The following XKR4 variants were observed in gnomAD, a reference collection of about 807,000 sequenced individuals.
XKR4 encodes XK-related protein 4.
A neutral mutation model predicts 53.9 loss-of-function variants in XKR4; 12 were observed. The observed-to-expected ratio is 0.22, with a 90% CI of 0.14 to 0.36. The LOEUF (loss-of-function observed/expected upper bound fraction) is 0.36, where lower values mean the gene tolerates loss of function less well. XKR4 is among the 10% of genes least tolerant of loss of function. The probability of loss-of-function intolerance (pLI) is 1.00; values close to 1 mark genes in which losing one functional copy is unlikely to be tolerated. For missense variants in XKR4, 799 were observed against 859.5 expected, an observed-to-expected ratio of 0.93 and a Z score of 0.88; for synonymous variants, 354 against 362.4, an observed-to-expected ratio of 0.98 and a Z score of 0.26.
intron 1 of XKR4, among the ~76,000 whole-genome samples, chr8:55,219,319 A>G (rs1817849597): frequency 6.6e-6 from 1 of 152,150 alleles, no homozygotes; most frequent in African/African-American, 2.4e-5. Flanking sequence ...TTCACTCTGG[A>G]TGTTTGCAGT....
intron 1 of XKR4, among the ~76,000 whole-genome samples, chr8:55,289,638 AAAGAAAGAAAGG>A (rs1369901720): frequency 0.015 from 1,794 of 121,864 alleles, 13 homozygotes; most frequent in Non-Finnish European, 0.02. Flanking sequence ...AGAAAGAAAG[AAAGAAAGAAAGG>A]AAGGAAGGAA....
At chr8:55,204,977 C>T (rs1017046045) in intron 1 of XKR4, among the ~76,000 whole-genome samples, 3 of 152,158 alleles carry the variant, frequency 2.0e-5, no homozygotes, top group African/African-American at 4.8e-5. Flanking sequence ...TGGCTAGGCA[C>T]TGACTCAGAT....
intron 2 of XKR4, among the ~76,000 whole-genome samples, chr8:55,499,241 A>G (rs567939456): frequency 3.3e-4 from 51 of 152,342 alleles, no homozygotes; most frequent in Non-Finnish European, 6.2e-4. Flanking sequence ...GGGAAGCACT[A>G]TGAAATTTGA....
intron 2 of XKR4, among the ~76,000 whole-genome samples, chr8:55,415,614 G>C (rs758818684): frequency 6.6e-6 from 1 of 152,092 alleles, no homozygotes; most frequent in Non-Finnish European, 1.5e-5. Context: ...ATTTGCAAAC[G>C]ATTAAACTCC....
At chr8:55,207,264 C>T (rs551372090) in intron 1 of XKR4, among the ~76,000 whole-genome samples, 2 of 152,152 alleles carry the variant, frequency 1.3e-5, no homozygotes, top group Non-Finnish European at 2.9e-5. Flanking sequence ...AGTGGCTGAC[C>T]GGTGACCTGC....
intron 2 of XKR4, among the ~76,000 whole-genome samples, chr8:55,475,400 GT>G (rs1805965520): frequency 6.6e-6 from 1 of 151,428 alleles, no homozygotes; most frequent in African/African-American, 2.4e-5. Context: ...TGTTGTTGTT[GT>G]TGTTGTTGTT....
intron 2 of XKR4, among the ~76,000 whole-genome samples, chr8:55,418,489 C>T (rs2939694): frequency 6.6e-6 from 1 of 152,148 alleles, no homozygotes; most frequent in East Asian, 1.9e-4. Context: ...ATTCAGCATG[C>T]GTCTCACCCC....
At chr8:55,148,868 G>A (rs1294636520) in intron 1 of XKR4, among the ~76,000 whole-genome samples, 1 of 152,166 alleles carries the variant, frequency 6.6e-6, no homozygotes, top group Admixed American at 6.5e-5. Context: ...GTCACAGAAA[G>A]CGTCCTTAGC....
At chr8:55,202,609 C>T (rs1488731449) in intron 1 of XKR4, among the ~76,000 whole-genome samples, 1 of 152,208 alleles carries the variant, frequency 6.6e-6, no homozygotes, top group Non-Finnish European at 1.5e-5. Context: ...GCACTTACAG[C>T]TGAAGGTCTG....
chr8:55,283,946 G>T (rs1183137926), intron 1 of XKR4, among the ~76,000 whole-genome samples: 2 of 152,162 alleles, frequency 1.3e-5, no homozygotes, highest in African/African-American at 4.8e-5. Context: ...TTGTGATTCT[G>T]TGACGTGATC....
intron 1 of XKR4, among the ~76,000 whole-genome samples, chr8:55,329,183 T>C (rs1803346070): frequency 6.6e-6 from 1 of 152,002 alleles, no homozygotes; most frequent in South Asian, 2.1e-4. Flanking sequence ...GAACTCAGAG[T>C]TGATATATTT....
chr8:55,396,042 G>A (rs933846334), intron 2 of XKR4, among the ~76,000 whole-genome samples: 1 of 152,240 alleles, frequency 6.6e-6, no homozygotes, highest in Non-Finnish European at 1.5e-5. Context: ...TATAAGGAGA[G>A]TCATCCCATT....
chr8:55,285,565 A>G (rs1585986755), intron 1 of XKR4, among the ~76,000 whole-genome samples: 1 of 152,198 alleles, frequency 6.6e-6, no homozygotes, highest in East Asian at 1.9e-4. Flanking sequence ...TTAAAAAATG[A>G]TATATTTAGA....
At chr8:55,193,828 T>G (rs1056895284) in intron 1 of XKR4, among the ~76,000 whole-genome samples, 1 of 152,224 alleles carries the variant, frequency 6.6e-6, no homozygotes, top group Non-Finnish European at 1.5e-5. Flanking sequence ...TTGGGAGCTC[T>G]GGGTATGAGA....
chr8:55,523,625 G>C lies in XKR4; in HGVS notation c.1351G>C (p.Gly451Arg). ...YIFSWFNVKEGRTRCRLFIYY... is the reference protein window; with the variant it reads ...YIFSWFNVKERRTRCRLFIYY... ...CTTCAGTTGGTTCAATGTCAAGGAA[G>C]GCAGGACACGCTGCAGGCTATTCAT... The change falls in exon 3 of 3, where the codon GGC becomes CGC. Residue 451 changes from glycine (G) to arginine (R), a missense_variant. By Grantham distance (125) the Gly-to-Arg change is moderately radical. This residue lies in a region of XKR4 where 269 missense variants were observed against 264.4 expected (regional missense o/e 1.02). Transcript: ENST00000327381. The C allele has an allele frequency of 6.2e-7, 1 of 1,614,136 alleles. No individual in the cohort carries two copies. Among genetic ancestry groups the C allele is most frequent in the Non-Finnish European group, 8.5e-7 (1 of 1,180,014 alleles).
chr8:55,236,132 A>G (rs1818118772), intron 1 of XKR4, among the ~76,000 whole-genome samples: 1 of 152,186 alleles, frequency 6.6e-6, no homozygotes, highest in African/African-American at 2.4e-5. Context: ...GGACACAGTG[A>G]GTCAGGGCAG....
At chr8:55,346,685 A>ATGTGTG (rs10685965) in intron 1 of XKR4, among the ~76,000 whole-genome samples, 30,825 of 138,248 alleles carry the variant, frequency 0.22, 3,486 homozygotes, top group Non-Finnish European at 0.26. Context: ...TGTTGAGGTT[A>ATGTGTG]TGTGTGTGTG....
chr8:55,185,900 G>A (rs1388365496), intron 1 of XKR4, among the ~76,000 whole-genome samples: 2 of 152,158 alleles, frequency 1.3e-5, no homozygotes. Context: ...TTAATTTCAT[G>A]TGACCCTCTT....
chr8:55,321,107 C>T (rs983317639), intron 1 of XKR4, among the ~76,000 whole-genome samples: 9 of 152,070 alleles, frequency 5.9e-5, no homozygotes, highest in Non-Finnish European at 8.8e-5. Context: ...CATCTAGGTC[C>T]AAACATTCTG....
Sources: allele counts gnomAD v4.1 joint callset (sites outside exome capture counted in the v4.1 genomes callset), GRCh38; gene constraint gnomAD v4.1.1; regional missense constraint gnomAD v4.1.1; transcripts MANE v1.5; gene names NCBI Gene and HGNC (gene_info 2026-07-23, HGNC 2026-07-21).